The following NLGN1 variants were observed in gnomAD, a reference collection of about 807,000 sequenced individuals.
NLGN1 encodes neuroligin-1.
NLGN1 carries 12 observed loss-of-function variants against 65.5 expected under a neutral mutation model. That is an observed-to-expected ratio of 0.18 (90% CI 0.12 to 0.30). NLGN1 has a LOEUF of 0.30. Ranked by LOEUF, NLGN1 falls within the 10% of genes least tolerant of loss-of-function variation. NLGN1 has a pLI of 1.00. For missense variants in NLGN1, 750 were observed against 1,007.1 expected, an observed-to-expected ratio of 0.74 and a Z score of 3.46; for synonymous variants, 350 against 359.5, an observed-to-expected ratio of 0.97 and a Z score of 0.30.
At chr3:173,557,491 T>A (rs1474052381) in intron 2 of NLGN1, among the ~76,000 whole-genome samples, 4 of 152,134 alleles carry the variant, frequency 2.6e-5, no homozygotes, top group Non-Finnish European at 5.9e-5. Context: ...TTTATTGTTT[T>A]CTCTTTGCCC....
Position 173,503,440 on chromosome 3 carries a change from C to T in NLGN1, c.-321+68362C>T, listed in dbSNP as rs114054330. Among the ~76,000 whole-genome samples, 973 of 152,158 alleles carry T rather than the reference C, an allele frequency of 6.4e-3. 16 individuals are homozygous for T. Among genetic ancestry groups the T allele is most frequent in the African/African-American group, 0.023 (939 of 41,530 alleles). ...GGGCTTCAAGCCAAACACTGAACAGCATGAGATAATGTGCAAACGCTTATT... is the reference window on the plus strand; with the variant it reads ...GGGCTTCAAGCCAAACACTGAACAGTATGAGATAATGTGCAAACGCTTATT... On this transcript the variant is annotated intron_variant, in intron 2 of 6. Transcript: ENST00000457714.
intron 3 of NLGN1, among the ~76,000 whole-genome samples, chr3:173,616,962 T>C (rs182301568): frequency 6.6e-6 from 1 of 152,310 alleles, no homozygotes; most frequent in East Asian, 1.9e-4. Context: ...AACTCTTGTC[T>C]GCCGTTTCAA....
intron 4 of NLGN1, among the ~76,000 whole-genome samples, chr3:174,196,120 A>G (rs1269893885): frequency 5.9e-5 from 9 of 152,166 alleles, no homozygotes; most frequent in Admixed American, 5.9e-4. Context: ...GATTTTTAGA[A>G]ATGTTTTTAT....
chr3:173,983,238 A>G (rs967723817), intron 4 of NLGN1, among the ~76,000 whole-genome samples: 2 of 152,182 alleles, frequency 1.3e-5, no homozygotes, highest in Non-Finnish European at 2.9e-5. Flanking sequence ...GTACTAGTCA[A>G]TGCCAAATGT....
intron 3 of NLGN1, among the ~76,000 whole-genome samples, chr3:173,707,566 G>A (rs1322729510): frequency 6.6e-6 from 1 of 152,010 alleles, no homozygotes; most frequent in Non-Finnish European, 1.5e-5. Context: ...TAAATAAGAA[G>A]ACTGAGTCTC....
intron 2 of NLGN1, among the ~76,000 whole-genome samples, chr3:173,539,350 A>G (rs1018556449): frequency 5.3e-5 from 8 of 149,542 alleles, no homozygotes; most frequent in African/African-American, 2.0e-4. Flanking sequence ...TGCTTTCAGG[A>G]TCTGTTTGGG....
At chr3:174,193,659 T>A (rs1263844719) in intron 4 of NLGN1, among the ~76,000 whole-genome samples, 6 of 152,160 alleles carry the variant, frequency 3.9e-5, no homozygotes, top group Non-Finnish European at 1.5e-5. Context: ...CATTCTACCA[T>A]GGCAAAGTAG....
intron 4 of NLGN1, among the ~76,000 whole-genome samples, chr3:174,094,375 A>G (rs1389042754): frequency 6.6e-6 from 1 of 151,864 alleles, no homozygotes; most frequent in Non-Finnish European, 1.5e-5. Context: ...TGTCCAACCC[A>G]TGGCCTGGTG....
At chr3:173,962,319 T>C (rs17324157) in intron 4 of NLGN1, among the ~76,000 whole-genome samples, 2,898 of 152,198 alleles carry the variant, frequency 0.019, 25 homozygotes, top group Middle Eastern at 0.034. Context: ...AAATAGGAAG[T>C]GTCTTTGTCA....
intron 2 of NLGN1, among the ~76,000 whole-genome samples, chr3:173,493,020 A>T (rs1357862419): frequency 1.3e-5 from 2 of 151,806 alleles, no homozygotes; most frequent in African/African-American, 4.9e-5. Flanking sequence ...TATGTTAATG[A>T]ATATTTCTCC....
intron 3 of NLGN1, among the ~76,000 whole-genome samples, chr3:173,656,872 G>A (rs1296595864): frequency 1.3e-5 from 2 of 151,942 alleles, no homozygotes; most frequent in Non-Finnish European, 2.9e-5. Context: ...AGAAAGTGAA[G>A]GTTTGAAGAC....
chr3:173,882,920 CAT>C (rs1351082389), intron 4 of NLGN1, among the ~76,000 whole-genome samples: 6 of 150,418 alleles, frequency 4.0e-5, no homozygotes, highest in African/African-American at 1.5e-4. Context: ...TAAAGTGAGA[CAT>C]GTGTGACTCT....
intron 4 of NLGN1, among the ~76,000 whole-genome samples, chr3:173,810,406 A>G (rs9864188): frequency 0.63 from 96,017 of 152,042 alleles, 31,872 homozygotes; most frequent in Non-Finnish European, 0.75. Flanking sequence ...AGTAGGAAAT[A>G]AGATATGATC....
chr3:173,622,891 C>T (rs1420661531), intron 3 of NLGN1, among the ~76,000 whole-genome samples: 1 of 152,088 alleles, frequency 6.6e-6, no homozygotes, highest in Non-Finnish European at 1.5e-5. Context: ...CACAAGTTGC[C>T]ATACTTCCTG....
intron 4 of NLGN1, among the ~76,000 whole-genome samples, chr3:174,271,263 T>TGACA (rs1309803925): frequency 1.3e-5 from 2 of 151,472 alleles, no homozygotes; most frequent in South Asian, 2.1e-4. Flanking sequence ...CTTAAATTTC[T>TGACA]GACATTCTAG....
chr3:173,683,383 T>C lies in NLGN1; in HGVS notation c.493+78292T>C, dbSNP rs554425146. Among the ~76,000 whole-genome samples the C allele has an allele frequency of 2.6e-5, 4 of 152,080 alleles. No homozygotes were observed. In the East Asian group the frequency reaches 7.8e-4, roughly 29 times the overall value. On this transcript the variant is annotated intron_variant, in intron 3 of 6. Coordinates refer to ENST00000457714, the Ensembl canonical transcript of NLGN1. ...GTGCTGGTATTATCTTTCTGGGAAA[T>C]AGAGTTGAAATTCCCCCAGATCCCA...
chr3:173,595,176 A>T (rs1049838096), intron 2 of NLGN1, among the ~76,000 whole-genome samples: 2 of 152,148 alleles, frequency 1.3e-5, no homozygotes, highest in African/African-American at 2.4e-5. Context: ...TGGCATTGTC[A>T]GACTGCAAAT....
chr3:174,083,960 A>T (rs1742769715), intron 4 of NLGN1, among the ~76,000 whole-genome samples: 1 of 152,202 alleles, frequency 6.6e-6, no homozygotes, highest in African/African-American at 2.4e-5. Context: ...CTGTAGAGGG[A>T]TAAACAGCCT....
intron 3 of NLGN1, among the ~76,000 whole-genome samples, chr3:173,679,369 A>G (rs1323403211): frequency 6.6e-6 from 1 of 152,092 alleles, no homozygotes; most frequent in Non-Finnish European, 1.5e-5. Context: ...GAAATAGCGT[A>G]AAGATTTTAC....
Sources: allele counts gnomAD v4.1 joint callset (sites outside exome capture counted in the v4.1 genomes callset), GRCh38; gene constraint gnomAD v4.1.1; transcripts MANE v1.5; gene names NCBI Gene and HGNC (gene_info 2026-07-23, HGNC 2026-07-21).